The following HPD variants were observed in gnomAD, a reference collection of about 807,000 sequenced individuals.
HPD encodes 4-hydroxyphenylpyruvic acid oxidase.
A neutral mutation model predicts 56.9 loss-of-function variants in HPD; 35 were observed. That is an observed-to-expected ratio of 0.62 (90% CI 0.47 to 0.82). HPD has a LOEUF of 0.82. Among genes scored for constraint, HPD ranks in the 40% least tolerant of loss-of-function variants. HPD has a pLI of 0.00. For synonymous variants in HPD, 186 were observed against 200.2 expected (o/e 0.93, Z 0.60); for missense variants, 442 against 506.8 (o/e 0.87, Z 1.23).
upstream of HPD, among the ~76,000 whole-genome samples, chr12:121,860,455 C>T (rs1878145079): frequency 6.6e-6 from 1 of 152,144 alleles, no homozygotes; most frequent in African/African-American, 2.4e-5. Flanking sequence ...AACTCTGTCC[C>T]CAACACTGTA....
Position 121,843,848 on chromosome 12 carries a change from G to A in HPD, c.832-16C>T. The A allele has an allele frequency of 5.6e-6, 9 of 1,614,036 alleles. No individual in the cohort carries two copies. Among genetic ancestry groups the A allele is most frequent in the Non-Finnish European group, 7.6e-6 (9 of 1,179,964 alleles). ...AGTGGCGAATCTGTTTCAGAGCAAA[G>A]CTGAGGTCAGCCTTCGGCCTCCAAG... On this transcript the variant is annotated splice_polypyrimidine_tract_variant and intron_variant, in intron 11 of 13. Coordinates refer to ENST00000289004, the MANE Select transcript of HPD (RefSeq NM_002150.3).
At chr12:121,873,654 T>TA in the HPD span, among the ~76,000 whole-genome samples, 4 of 151,750 alleles carry the variant, frequency 2.6e-5, no homozygotes, top group Non-Finnish European at 5.9e-5. Flanking sequence ...CCATCTCTAC[T>TA]AAAAAAATAC....
chr12:121,875,391 T>G, the HPD span, among the ~76,000 whole-genome samples: 13 of 152,046 alleles, frequency 8.6e-5, no homozygotes, highest in South Asian at 2.3e-3. Context: ...TATGGTCAAT[T>G]TCTTTTCTTT....
At chr12:121,874,543 G>A in the HPD span, among the ~76,000 whole-genome samples, 25 of 151,186 alleles carry the variant, frequency 1.7e-4, no homozygotes, top group African/African-American at 6.1e-4. Flanking sequence ...GCTTGAACCT[G>A]GGAGGCAGAG....
chr12:121,846,785 C>T (rs1370590714), intron 11 of HPD, 77 bp downstream of exon 11: 10 of 1,394,666 alleles, frequency 7.2e-6, no homozygotes, highest in Non-Finnish European at 1.0e-5. Context: ...ACTGCCGCCA[C>T]CCGCCCTCTC....
the HPD span, among the ~76,000 whole-genome samples, chr12:121,886,573 A>G: frequency 1.3e-5 from 2 of 152,136 alleles, no homozygotes; most frequent in Non-Finnish European, 2.9e-5. Flanking sequence ...GCTAATTGTT[A>G]CATTTTGCCT....
chr12:121,851,149 A>G (rs1350805253), intron 7 of HPD, among the ~76,000 whole-genome samples: 1 of 151,328 alleles, frequency 6.6e-6, no homozygotes, highest in African/African-American at 2.4e-5. Flanking sequence ...AGCATGAGCC[A>G]CCGTGCCCAG....
In HPD at chr12:121,839,711, C is replaced by T. The variant is rs1293884281; in HGVS notation, c.*17G>A. On this transcript the variant is annotated 3_prime_UTR_variant, in exon 14 of 14. Coordinates refer to ENST00000289004, the MANE Select transcript of HPD (RefSeq NM_002150.3). Reference sequence around the variant, plus strand: ...GGCGTGGCTGTGTGGCTGTGGCCTCCGTGGGGTGGGCGGGGCTTACATGCC... The same window carrying T: ...GGCGTGGCTGTGTGGCTGTGGCCTCTGTGGGGTGGGCGGGGCTTACATGCC... The T allele has an allele frequency of 2.6e-6, 4 of 1,568,608 alleles. No homozygotes were observed. Among genetic ancestry groups the T allele is most frequent in the Admixed American group, 1.7e-5 (1 of 59,876 alleles).
chr12:121,860,058 T>C (rs1434828389), upstream of HPD, among the ~76,000 whole-genome samples: 1 of 152,198 alleles, frequency 6.6e-6, no homozygotes, highest in Non-Finnish European at 1.5e-5. Context: ...CTCAGGGGAC[T>C]GAGGCAGGAG....
intron 11 of HPD, among the ~76,000 whole-genome samples, chr12:121,844,670 T>A (rs1566568643): frequency 1.3e-5 from 2 of 151,478 alleles, no homozygotes; most frequent in African/African-American, 4.8e-5. Flanking sequence ...ATCACGAGGT[T>A]AGGAGATCAA....
In HPD at chr12:121,857,550, C is replaced by T; in HGVS notation, c.94-118G>A. On this transcript the variant is annotated intron_variant, in intron 3 of 13. Coordinates refer to ENST00000289004, the MANE Select transcript of HPD (RefSeq NM_002150.3). Reference sequence around the variant, plus strand: ...TGCCCTATTGCCTCAGGGGCAGAGACCCTCCTGGGAAGATAGACTGCTGCC... The same window carrying T: ...TGCCCTATTGCCTCAGGGGCAGAGATCCTCCTGGGAAGATAGACTGCTGCC... The T allele has an allele frequency of 3.4e-6, 3 of 889,376 alleles. No homozygotes were observed. The East Asian group carries it at 7.5e-5, about 22-fold the overall frequency. The allele number at this position is 889,376 out of a possible 1,614,324, so 55.1% of individuals were successfully genotyped here.
the HPD span, among the ~76,000 whole-genome samples, chr12:121,884,143 C>T: frequency 3.3e-5 from 5 of 150,678 alleles, 1 homozygote; most frequent in Admixed American, 3.3e-4. Context: ...TCATGTATTG[C>T]ATTTAGTCAT....
chr12:121,887,405 G>C, the HPD span, among the ~76,000 whole-genome samples: 1 of 151,958 alleles, frequency 6.6e-6, no homozygotes, highest in South Asian at 2.1e-4. Flanking sequence ...TTTTTGAGGG[G>C]TGCGGTAGCT....
chr12:121,843,468 T>TA (rs1877472760), intron 12 of HPD, among the ~76,000 whole-genome samples: 1 of 152,188 alleles, frequency 6.6e-6, no homozygotes, highest in African/African-American at 2.4e-5. Context: ...CCCTGACCAG[T>TA]CTCTGTAAAG....
At chr12:121,850,296 G>T (rs10840622) in intron 7 of HPD, among the ~76,000 whole-genome samples, 2 of 151,022 alleles carry the variant, frequency 1.3e-5, no homozygotes, top group East Asian at 4.0e-4. Context: ...GTGGCGTGGC[G>T]GGTGCCCGTA....
upstream of HPD, among the ~76,000 whole-genome samples, chr12:121,861,106 C>T (rs1049078116): frequency 3.9e-5 from 6 of 151,910 alleles, no homozygotes; most frequent in African/African-American, 1.5e-4. Flanking sequence ...GAGGCTGAGG[C>T]GGGTGGGTCA....
chr12:121,858,100 T>C (rs570966703), intron 2 of HPD, among the ~76,000 whole-genome samples: 13 of 152,274 alleles, frequency 8.5e-5, no homozygotes, highest in African/African-American at 3.1e-4. Flanking sequence ...AGTTAGACCT[T>C]AGAAAGAACT....
At chr12:121,871,763 C>T in the HPD span, among the ~76,000 whole-genome samples, 1 of 152,092 alleles carries the variant, frequency 6.6e-6, no homozygotes, top group East Asian at 1.9e-4. Context: ...GACCCCTGGG[C>T]TCTGAAGACT....
intron 6 of HPD, 103 bp downstream of exon 6, chr12:121,856,221 G>T: frequency 2.3e-6 from 2 of 873,978 alleles, no homozygotes; most frequent in Non-Finnish European, 2.0e-6. Flanking sequence ...GTGGCATCTG[G>T]GCTTGTCACT....
Sources: allele counts gnomAD v4.1 joint callset (sites outside exome capture counted in the v4.1 genomes callset), GRCh38; gene constraint gnomAD v4.1.1; transcripts MANE v1.5; gene names NCBI Gene and HGNC (gene_info 2026-07-23, HGNC 2026-07-21).